Variants in PCTP observed in about 807,000 individuals in gnomAD.
PCTP encodes the protein START domain-containing protein 2.
A neutral mutation model predicts 31.0 loss-of-function variants in PCTP; 27 were observed. The ratio of observed to expected loss-of-function variants is 0.87; its 90% CI spans 0.64 to 1.20. The LOEUF (loss-of-function observed/expected upper bound fraction) is 1.20, where lower values mean the gene tolerates loss of function less well. PCTP is among the 50% of genes most tolerant of loss of function. PCTP has a pLI of 0.00. For synonymous variants in PCTP, 108 were observed against 101.2 expected (o/e 1.07, Z -0.40); for missense variants, 287 against 268.2 (o/e 1.07, Z -0.49).
intron 3 of PCTP, among the ~76,000 whole-genome samples, chr17:55,819,098 C>A (rs866063162): frequency 1.6e-4 from 22 of 136,854 alleles, no homozygotes; most frequent in Middle Eastern, 8.1e-3. Context: ...TGTTTAATAA[C>A]AGCGACACCC....
chr17:55,774,644 C>G, intron 4 of PCTP, 148 bp from the exon 5 acceptor site: 3 of 647,944 alleles, frequency 4.6e-6, no homozygotes, highest in Non-Finnish European at 8.2e-6. Flanking sequence ...TAAGGGCAGT[C>G]AATGGAGAGA....
chr17:55,785,603 A>C (rs1283559540), intron 2 of PCTP, among the ~76,000 whole-genome samples: 1 of 152,238 alleles, frequency 6.6e-6, no homozygotes, highest in Non-Finnish European at 1.5e-5. Flanking sequence ...CAAACCAAAC[A>C]AAATGATCAC....
intron 3 of PCTP, among the ~76,000 whole-genome samples, chr17:55,814,431 G>T (rs992858453): frequency 6.6e-6 from 1 of 152,242 alleles, no homozygotes; most frequent in Non-Finnish European, 1.5e-5. Context: ...CCCTCCGGAG[G>T]CTTGGCAGAC....
At chr17:55,815,814 C>CAT (rs1912897428) in intron 3 of PCTP, among the ~76,000 whole-genome samples, 1 of 152,170 alleles carries the variant, frequency 6.6e-6, no homozygotes, top group South Asian at 2.1e-4. Flanking sequence ...GCTGTCTTAT[C>CAT]ATGAGTTTTT....
At chr17:55,766,273 TA>T (rs1162618551) in intron 1 of PCTP, among the ~76,000 whole-genome samples, 4 of 151,258 alleles carry the variant, frequency 2.6e-5, no homozygotes, top group Non-Finnish European at 4.4e-5. Flanking sequence ...TTTTTTTTTT[TA>T]TTATACTTTA....
downstream of PCTP, among the ~76,000 whole-genome samples, chr17:55,845,156 A>G (rs569584497): frequency 1.3e-5 from 2 of 151,320 alleles, no homozygotes; most frequent in East Asian, 3.9e-4. Context: ...CGTGCACTAA[A>G]CATTTAATAA....
chr17:55,807,694 G>T (rs947224798), intron 3 of PCTP, among the ~76,000 whole-genome samples: 1 of 152,062 alleles, frequency 6.6e-6, no homozygotes, highest in African/African-American at 2.4e-5. Flanking sequence ...CAACACCATG[G>T]TCTGAAGATT....
chr17:55,839,421 C>T (rs1419500181), intron 5 of PCTP, among the ~76,000 whole-genome samples: 4 of 152,202 alleles, frequency 2.6e-5, no homozygotes, highest in Non-Finnish European at 4.4e-5. Flanking sequence ...CTCAACCCTG[C>T]ACTGAATGTT....
chr17:55,768,519 C>T (rs906117746), intron 2 of PCTP, among the ~76,000 whole-genome samples: 2 of 152,148 alleles, frequency 1.3e-5, no homozygotes, highest in African/African-American at 4.8e-5. Context: ...GTTCAATAGC[C>T]GCCAGCAGTT....
chr17:55,850,490 C>T, the PCTP span, among the ~76,000 whole-genome samples: 1 of 152,156 alleles, frequency 6.6e-6, no homozygotes, highest in African/African-American at 2.4e-5. Flanking sequence ...ATTTGTATTA[C>T]AAGACATTAT....
chr17:55,767,513 G>A, intron 2 of PCTP, 61 bp downstream of exon 2: 4 of 1,159,404 alleles, frequency 3.5e-6, no homozygotes, highest in East Asian at 2.5e-5. Context: ...AGCCCAGGGT[G>A]AAGTGCAAAG....
intron 3 of PCTP, among the ~76,000 whole-genome samples, chr17:55,801,006 C>T (rs914212451): frequency 1.3e-5 from 2 of 152,052 alleles, no homozygotes; most frequent in African/African-American, 4.8e-5. Flanking sequence ...AAGCTTCGTC[C>T]CAGAGGGGCA....
downstream of PCTP, among the ~76,000 whole-genome samples, chr17:55,825,318 A>G (rs1325176023): frequency 6.6e-6 from 1 of 152,214 alleles, no homozygotes; most frequent in African/African-American, 2.4e-5. Context: ...ATTGAGAAAA[A>G]CTCAAGGCTG....
intron 1 of PCTP, chr17:55,751,533 G>T: frequency 6.8e-7 from 1 of 1,466,824 alleles, no homozygotes; most frequent in East Asian, 2.9e-5. Context: ...ACGTGGGTCA[G>T]CTGGTTCCTA....
intron 3 of PCTP, among the ~76,000 whole-genome samples, chr17:55,816,671 T>C (rs1912926490): frequency 6.6e-6 from 1 of 152,160 alleles, no homozygotes. Flanking sequence ...GTCTGTTCAA[T>C]GATATAACAC....
intron 3 of PCTP, among the ~76,000 whole-genome samples, chr17:55,821,185 T>C (rs1031633721): frequency 1.3e-5 from 2 of 152,204 alleles, no homozygotes; most frequent in Non-Finnish European, 2.9e-5. Flanking sequence ...ATAATATATC[T>C]GTACAATGAA....
intron 5 of PCTP, among the ~76,000 whole-genome samples, chr17:55,832,278 C>T (rs747052285): frequency 5.3e-5 from 8 of 152,122 alleles, no homozygotes; most frequent in Non-Finnish European, 1.2e-4. Context: ...TTCCTTAGTA[C>T]CTAGAATGCT....
intron 3 of PCTP, among the ~76,000 whole-genome samples, chr17:55,772,905 A>T (rs1911090606): frequency 6.6e-6 from 1 of 152,170 alleles, no homozygotes; most frequent in Non-Finnish European, 1.5e-5. Flanking sequence ...GTATGGGGAT[A>T]CTCATACCAA....
At chr17:55,780,116 G>C (rs1395103942), downstream of PCTP, among the ~76,000 whole-genome samples, 2 of 147,526 alleles carry the variant, frequency 1.4e-5, no homozygotes, top group African/African-American at 5.0e-5. Context: ...TGCTTGAGAA[G>C]ACAGAAGCAT....
Sources: gnomAD v4.1 joint callset for allele counts (sites outside exome capture counted in the v4.1 genomes callset) on GRCh38, gnomAD v4.1.1 for gene constraint, MANE v1.5 for transcripts, NCBI Gene and HGNC (gene_info 2026-07-23, HGNC 2026-07-21) for gene names.